The following ST3GAL2 variants were observed in gnomAD, a reference collection of about 807,000 sequenced individuals.
ST3GAL2 encodes the protein ST3 beta-galactoside alpha-2,3-sialyltransferase 2, also known as CMP-N-acetylneuraminate-beta-galactosamide-alpha-2,3-sialyltransferase 2.
ST3GAL2 carries 16 observed loss-of-function variants against 37.5 expected under a neutral mutation model. The observed-to-expected ratio is 0.43, with a 90% CI of 0.29 to 0.65. ST3GAL2 has a LOEUF of 0.65. Ranked by LOEUF, ST3GAL2 falls within the 30% of genes least tolerant of loss-of-function variation. The pLI is 0.17. For missense variants in ST3GAL2, 383 were observed against 487.8 expected, an observed-to-expected ratio of 0.79 and a Z score of 2.02; for synonymous variants, 238 against 202.9, an observed-to-expected ratio of 1.17 and a Z score of -1.47.
Position 70,397,404 on chromosome 16 carries a change from G to T in ST3GAL2, c.339+788C>A, listed in dbSNP as rs527268540. Among the ~76,000 whole-genome samples the T allele has an allele frequency of 5.3e-5, 8 of 151,810 alleles. No homozygotes were observed. In the South Asian group the frequency reaches 1.7e-3, roughly 32 times the overall value. ...TCTTCTAGCAGTTGTAAAGAACCAA[G>T]AAAGGGGCTCTGTTCTCATGGTATT... On this transcript the variant is annotated intron_variant, in intron 2 of 6. Transcript: ENST00000342907.
At position 70,399,146 on chromosome 16, in the gene ST3GAL2, G is replaced by A. The variant is rs2047538190; in HGVS notation, c.-616C>T. On this transcript the variant is annotated 5_prime_UTR_variant, in exon 2 of 7. Transcript: ENST00000342907. ...AGGACAAAAACAGGAAGCTCTGTGA[G>A]TGTGGGAAAACTCCGCTGCAGAGAT... The A allele has an allele frequency of 2.5e-6, 1 of 399,676 alleles. No homozygotes were observed. Among genetic ancestry groups the A allele is most frequent in the African/African-American group, 2.1e-5 (1 of 48,636 alleles). The allele number at this position is 399,676 out of a possible 1,614,324, so 24.8% of individuals were successfully genotyped here.
rs925093024 is a variant in ST3GAL2 at position 70,409,349 on chromosome 16, CTTT to C, written c.-1003-9819_-1003-9817del. Among the ~76,000 whole-genome samples the C allele has an allele frequency of 2.8e-4, 40 of 145,122 alleles. 1 individual carries two copies. The highest frequency in any genetic ancestry group is 3.5e-3 in the Middle Eastern group (1 of 282). On this transcript the variant is annotated intron_variant, in intron 1 of 6. Transcript: ENST00000342907. ...CTAGCTAGCTTCCCGCCTCTGGCGG[CTTT>C]TTTTTTTTGAGACGGAGTTTTGCTC...
intron 1 of ST3GAL2, among the ~76,000 whole-genome samples, chr16:70,430,505 A>T (rs1458361360): frequency 6.6e-6 from 1 of 152,194 alleles, no homozygotes. Flanking sequence ...TTCCCGTCTA[A>T]GGAAGTACCA....
intron 1 of ST3GAL2, among the ~76,000 whole-genome samples, chr16:70,406,443 G>A (rs569686037): frequency 1.3e-5 from 2 of 151,846 alleles, no homozygotes; most frequent in African/African-American, 4.8e-5. Flanking sequence ...CCCAGGAGGT[G>A]GAGGTTGCAA....
intron 4 of ST3GAL2, among the ~76,000 whole-genome samples, chr16:70,386,435 G>A (rs867998811): frequency 1.1e-4 from 16 of 151,692 alleles, no homozygotes; most frequent in South Asian, 8.4e-4. Context: ...CTTGTGATCC[G>A]CCCGCCTGGT....
chr16:70,420,115 C>T (rs1428138310), intron 1 of ST3GAL2, among the ~76,000 whole-genome samples: 1 of 149,680 alleles, frequency 6.7e-6, no homozygotes, highest in Non-Finnish European at 1.5e-5. Context: ...CAACCTCTGT[C>T]CCCGGGTTCA....
chr16:70,426,980 C>T (rs1027848961), intron 1 of ST3GAL2, among the ~76,000 whole-genome samples: 8 of 151,632 alleles, frequency 5.3e-5, no homozygotes, highest in African/African-American at 1.5e-4. Flanking sequence ...CCCGAGTAGC[C>T]GGGACCACAG....
intron 1 of ST3GAL2, among the ~76,000 whole-genome samples, chr16:70,438,060 G>A (rs2047838184): frequency 6.6e-6 from 1 of 152,248 alleles, no homozygotes; most frequent in African/African-American, 2.4e-5. Context: ...GGGAAGATGG[G>A]AGACGGGAGA....
At position 70,399,224 on chromosome 16, in the gene ST3GAL2, G is replaced by C. The variant is rs1254615823; in HGVS notation, c.-694C>G. On this transcript the variant is annotated 5_prime_UTR_variant, in exon 2 of 7. Coordinates refer to ENST00000342907, the MANE Select transcript of ST3GAL2 (RefSeq NM_006927.4). ...CCTTCTGCTTCCCATCTGAGGTGCT[G>C]GTCCCTTCTCCTGGTGGCCCCAGCC... 1 of 398,684 alleles carries C rather than the reference G, an allele frequency of 2.5e-6. No homozygotes were observed. The highest frequency in any genetic ancestry group is 2.1e-5 in the African/African-American group (1 of 48,630). 24.7% of individuals were successfully genotyped at this position (398,684 alleles called of 1,614,324 possible).
intron 2 of ST3GAL2, among the ~76,000 whole-genome samples, chr16:70,396,979 G>C (rs1012373493): frequency 6.9e-6 from 1 of 145,202 alleles, no homozygotes; most frequent in Admixed American, 6.9e-5. Context: ...TTTAACTCTA[G>C]AATCAGACAA....
chr16:70,413,560 CAA>C (rs978301918), intron 1 of ST3GAL2, among the ~76,000 whole-genome samples: 9 of 32,080 alleles, frequency 2.8e-4, no homozygotes, highest in African/African-American at 4.4e-4. Context: ...ATCAAAAATA[CAA>C]AAAAAAAAAA....
chr16:70,393,428 T>C (rs1370093278), intron 3 of ST3GAL2, among the ~76,000 whole-genome samples: 1 of 152,184 alleles, frequency 6.6e-6, no homozygotes, highest in Non-Finnish European at 1.5e-5. Context: ...GCCAGATGAC[T>C]TAGAGGCAGT....
Position 70,398,544 on chromosome 16 carries a change from G to A in ST3GAL2, c.-14C>T, listed in dbSNP as rs372668670. The A allele has an allele frequency of 4.1e-5, 65 of 1,576,552 alleles. No homozygotes were observed. Among genetic ancestry groups the A allele is most frequent in the South Asian group, 1.4e-4 (12 of 88,352 alleles). ...GGAGCACTTCATGGTGCCGGCAGGCGGGTGACGGTCACCGTGGCCACTCTT... is the reference window on the plus strand; with the variant it reads ...GGAGCACTTCATGGTGCCGGCAGGCAGGTGACGGTCACCGTGGCCACTCTT... On this transcript the variant is annotated 5_prime_UTR_variant, in exon 2 of 7. Transcript: ENST00000342907.
chr16:70,388,442 C>T lies in ST3GAL2; in HGVS notation c.638G>A (p.Ser213Asn). 1 of 1,614,150 alleles carries T rather than the reference C, an allele frequency of 6.2e-7. No individual in the cohort carries two copies. Among genetic ancestry groups the T allele is most frequent in the Non-Finnish European group, 8.5e-7 (1 of 1,180,024 alleles). The change falls in exon 4 of 7, where the codon AGC (serine) becomes AAC (asparagine). Residue 213 changes from serine (S) to asparagine (N), a missense_variant. By Grantham distance (46) the Ser-to-Asn change is conservative. Transcript: ENST00000342907. ...GACCTTGAAGGGCACCAGCACGAAG[C>T]TGACGTTGGCGGGCAGGTTCTTGGC... ...ESAKNLPANV[S>N]FVLVPFKVLD... is the part of the protein sequence containing the mutation.
intron 1 of ST3GAL2, among the ~76,000 whole-genome samples, chr16:70,404,111 C>T (rs1268896662): frequency 6.6e-6 from 1 of 152,150 alleles, no homozygotes; most frequent in African/African-American, 2.4e-5. Context: ...TGAGAGTCAT[C>T]AGAGTACAGT....
At chr16:70,425,878 A>G (rs938380844) in intron 1 of ST3GAL2, among the ~76,000 whole-genome samples, 1 of 152,212 alleles carries the variant, frequency 6.6e-6, no homozygotes, top group Non-Finnish European at 1.5e-5. Flanking sequence ...CAGTGGCTCA[A>G]TTCTGGCCAG....
Position 70,380,172 on chromosome 16 carries a change from C to G in ST3GAL2, c.*1517G>C, listed in dbSNP as rs1289861812. 1 of 152,078 alleles carries G rather than the reference C, an allele frequency of 6.6e-6. No homozygotes were observed. The highest frequency in any genetic ancestry group is 1.5e-5 in the Non-Finnish European group (1 of 68,064). The allele number at this position is 152,078 out of a possible 1,614,324, so 9.4% of individuals were successfully genotyped here. A position where few individuals can be genotyped will look rare whatever the true frequency, so the allele number is the denominator to read the frequency against. On this transcript the variant is annotated 3_prime_UTR_variant, in exon 7 of 7. Coordinates refer to ENST00000342907, the MANE Select transcript of ST3GAL2 (RefSeq NM_006927.4). ...CCAATCACCCCTATTTTTACTCTTT[C>G]TACTTTCGGAATTGGAAAGAACGAC... is the stretch of plus-strand genomic sequence containing the variant.
chr16:70,418,145 C>T (rs2047688541), intron 1 of ST3GAL2, among the ~76,000 whole-genome samples: 1 of 152,210 alleles, frequency 6.6e-6, no homozygotes, highest in Admixed American at 6.5e-5. Flanking sequence ...GTGTTCTGCA[C>T]AGTTATTGAT....
chr16:70,421,224 C>T (rs1043281791), intron 1 of ST3GAL2, among the ~76,000 whole-genome samples: 1 of 152,230 alleles, frequency 6.6e-6, no homozygotes, highest in Non-Finnish European at 1.5e-5. Flanking sequence ...ATGCTGTGAC[C>T]TACTCAGGCA....
Sources: gnomAD v4.1 joint callset for allele counts (sites outside exome capture counted in the v4.1 genomes callset) on GRCh38, gnomAD v4.1.1 for gene constraint, MANE v1.5 for transcripts, NCBI Gene and HGNC (gene_info 2026-07-23, HGNC 2026-07-21) for gene names.